Variants in PSMD3 observed in about 807,000 individuals in gnomAD.
PSMD3 encodes the protein proteasome 26S subunit, non-ATPase 3, also known as 26S proteasome non-ATPase regulatory subunit 3.
Under a neutral mutation model 62.8 loss-of-function variants are expected in PSMD3, and 5 were observed. The ratio of observed to expected loss-of-function variants is 0.08; its 90% CI spans 0.04 to 0.17. The LOEUF (loss-of-function observed/expected upper bound fraction) is 0.17. PSMD3 is among the 10% of genes least tolerant of loss of function. PSMD3 has a pLI of 1.00. For missense variants in PSMD3, 524 were observed against 713.6 expected, an observed-to-expected ratio of 0.73 and a Z score of 3.03; for synonymous variants, 265 against 283.9, an observed-to-expected ratio of 0.93 and a Z score of 0.67.
rs1200174454 is a variant in PSMD3, at chr17:39,981,069, G to A, written c.99G>A (p.Gln33=). 2 of 1,550,418 alleles carry A rather than the reference G, an allele frequency of 1.3e-6. No homozygotes were observed. The highest frequency in any genetic ancestry group is 2.0e-5 in the Admixed American group (1 of 50,966). The change falls in exon 1 of 12, where the codon CAG becomes CAA. Residue 33 remains glutamine, a synonymous_variant. Coordinates refer to ENST00000264639, the MANE Select transcript of PSMD3 (RefSeq NM_002809.4). ...AACCCCCACCGCCGCCGGCCCCCCAGGATGTGGAGATGAAAGAGGAGGCAG... is the reference window on the plus strand; with the variant it reads ...AACCCCCACCGCCGCCGGCCCCCCAAGATGTGGAGATGAAAGAGGAGGCAG... ...EQEPPPPPAP[Q]DVEMKEEAAT...
intron 4 of PSMD3, 63 bp from the exon 5 acceptor site, chr17:39,989,676 A>G: frequency 7.0e-7 from 1 of 1,438,624 alleles, no homozygotes; most frequent in Non-Finnish European, 9.5e-7. Context: ...AAGAGCGAAG[A>G]GTTAAAGGCA....
At chr17:39,986,501 T>C in intron 2 of PSMD3, 74 bp from the exon 3 acceptor site, 4 of 1,545,720 alleles carry the variant, frequency 2.6e-6, no homozygotes, top group Non-Finnish European at 3.6e-6. Flanking sequence ...TTGAAATACA[T>C]AGTGGATGCT....
intron 3 of PSMD3, among the ~76,000 whole-genome samples, chr17:39,987,975 T>C (rs12453782): frequency 0.92 from 139,624 of 152,104 alleles, 64,165 homozygotes; most frequent in Middle Eastern, 0.96. Context: ...GGCGTGGTGG[T>C]GTGTGCCTGT....
chr17:39,990,006 A>G (rs1980617095), intron 5 of PSMD3, 77 bp downstream of exon 5: 1 of 1,570,842 alleles, frequency 6.4e-7, no homozygotes, highest in Non-Finnish European at 8.7e-7. Flanking sequence ...GGGGTGGTGC[A>G]TAAGAGGCCC....
intron 2 of PSMD3, among the ~76,000 whole-genome samples, 165 bp downstream of exon 2, chr17:39,984,649 C>G (rs1170804698): frequency 6.6e-6 from 1 of 152,190 alleles, no homozygotes; most frequent in African/African-American, 2.4e-5. Context: ...AGGGAACCGT[C>G]CACTGCCCTG....
At chr17:39,982,121 CAA>C (rs932506359) in intron 1 of PSMD3, among the ~76,000 whole-genome samples, 5 of 152,168 alleles carry the variant, frequency 3.3e-5, no homozygotes, top group Admixed American at 2.0e-4. Flanking sequence ...TTGAGATAAG[CAA>C]AGTTATCCTC....
At position 39,995,591 on chromosome 17, in the gene PSMD3, G is replaced by A; in HGVS notation, c.1320+64G>A. On this transcript the variant is annotated intron_variant, in intron 9 of 11. Coordinates refer to ENST00000264639, the MANE Select transcript of PSMD3 (RefSeq NM_002809.4). The surrounding 1 kb of genome is among the most constrained non-coding windows in gnomAD (Gnocchi z 4.1). The stretch of plus-strand genomic sequence containing the variant: ...CTTTCCTGCCAATCTCAGGAGGCAG[G>A]AGTGGGAGGAGTTTGGCCAAGGAGG... The A allele has an allele frequency of 2.0e-6, 3 of 1,497,128 alleles. No individual in the cohort carries two copies. The highest frequency in any genetic ancestry group is 2.8e-6 in the Non-Finnish European group (3 of 1,075,802). 92.7% of individuals were successfully genotyped at this position (1,497,128 alleles called of 1,614,324 possible). A position where few individuals can be genotyped will look rare whatever the true frequency, so the allele number is the denominator to read the frequency against.
Position 39,980,864 on chromosome 17 carries a change from C to T in PSMD3, c.-107C>T, listed in dbSNP as rs1017439065. The T allele has an allele frequency of 6.9e-5, 70 of 1,016,652 alleles. No homozygotes were observed. In the African/African-American group the frequency reaches 1.1e-3, roughly 16 times the overall value. 63.0% of individuals were successfully genotyped at this position (1,016,652 alleles called of 1,614,324 possible). On this transcript the variant is annotated 5_prime_UTR_variant, in exon 1 of 12. Transcript: ENST00000264639. ...TGCTCCGTCATCGTGCGGCCCGACG[C>T]TATCTCGCGCTCGTGTGCAGGCCCG...
At position 39,981,172 on chromosome 17, in the gene PSMD3, G is replaced by A. The variant is rs747658814; in HGVS notation, c.202G>A (p.Asp68Asn). 1.9e-6 allele frequency: 3 copies of A among 1,550,882 alleles called. No individual in the cohort carries two copies. In the Admixed American group the frequency reaches 5.9e-5, roughly 30 times the overall value. Residue 68 changes from aspartate to asparagine, a missense_variant, in exon 1 of 12, where the codon GAC becomes AAC. Transcript: ENST00000264639. ...AAAEHSQRELDTVTLEDIKEH... is the reference protein window; with the variant it reads ...AAAEHSQRELNTVTLEDIKEH... ...GGCTGAGCACTCCCAGCGAGAGCTG[G>A]ACACAGTCACCTTGGAGGGTACGGC...
chr17:39,985,661 C>A (rs1470298217), intron 2 of PSMD3, among the ~76,000 whole-genome samples: 1 of 152,174 alleles, frequency 6.6e-6, no homozygotes, highest in African/African-American at 2.4e-5. Context: ...TGAAGAGTTT[C>A]TTGTCTGGGA....
At position 39,990,157 on chromosome 17, in the gene PSMD3, G is replaced by A; in HGVS notation, c.941G>A (p.Arg314His). 2 of 1,613,614 alleles carry A rather than the reference G, an allele frequency of 1.2e-6. No individual in the cohort carries two copies. Among genetic ancestry groups the A allele is most frequent in the East Asian group, 2.2e-5 (1 of 44,870 alleles). ...CGGAGAACGATGACCAACGCCCTTC[G>A]CAAGGCCCCTCAGCACACAGCTGTC... ...EARRTMTNAL[R>H]KAPQHTAVGF... Residue 314 changes from arginine to histidine, a missense_variant, in exon 6 of 12, where the codon CGC becomes CAC. Arg to His is a conservative substitution (Grantham distance 29). Coordinates refer to ENST00000264639, the MANE Select transcript of PSMD3 (RefSeq NM_002809.4).
At chr17:39,986,752 T>G (rs931743678) in intron 3 of PSMD3, 40 bp downstream of exon 3, 3 of 1,608,542 alleles carry the variant, frequency 1.9e-6, no homozygotes, top group Non-Finnish European at 2.6e-6. Flanking sequence ...AAGCCCCAAG[T>G]GATGCAAGGG....
In PSMD3 at chr17:39,990,089, C is replaced by T. The variant is rs1311474796; in HGVS notation, c.878-5C>T. 18 of 1,613,702 alleles carry T rather than the reference C, an allele frequency of 1.1e-5. No homozygotes were observed. Among genetic ancestry groups the T allele is most frequent in the African/African-American group, 2.7e-5 (2 of 74,886 alleles). On this transcript the variant is annotated splice_region_variant and splice_polypyrimidine_tract_variant and intron_variant, in intron 5 of 11. Transcript: ENST00000264639. ...TTGACCAACTCTCCTCTCCTCCACT[C>T]CCAGGGCGAATCAAAGCCATCCAGC...
intron 10 of PSMD3, among the ~76,000 whole-genome samples, chr17:39,997,004 AG>A (rs562050854): frequency 1.8e-4 from 28 of 152,186 alleles, no homozygotes; most frequent in African/African-American, 6.5e-4. Context: ...CCCAGCAGCC[AG>A]CCCACTGGGT....
chr17:39,984,179 G>A (rs1032254241), intron 1 of PSMD3, 115 bp from the exon 2 acceptor site: 22 of 929,770 alleles, frequency 2.4e-5, no homozygotes, highest in Admixed American at 2.2e-4. Flanking sequence ...CGGCCTGGGC[G>A]ACAGAGTGAG....
chr17:39,996,596 G>A lies in PSMD3; in HGVS notation c.1476+258G>A, dbSNP rs764627531. The A allele has an allele frequency of 2.7e-4, 175 of 651,964 alleles. No individual in the cohort carries two copies. The highest frequency in any genetic ancestry group is 3.6e-4 in the Non-Finnish European group (128 of 355,238). 40.4% of individuals were successfully genotyped at this position (651,964 alleles called of 1,614,324 possible). ...GACCAGGCAGGGATTCAGAGGGCGG[G>A]GTTCTACATTTGGTTCCAAATTTGA... On this transcript the variant is annotated intron_variant, in intron 10 of 11. Coordinates refer to ENST00000264639, the MANE Select transcript of PSMD3 (RefSeq NM_002809.4). This position sits in a 1 kb window ranked among gnomAD's most constrained non-coding sequence, Gnocchi z 5.1.
intron 3 of PSMD3, among the ~76,000 whole-genome samples, chr17:39,987,486 A>G (rs1042894850): frequency 2.6e-5 from 4 of 152,162 alleles, no homozygotes; most frequent in African/African-American, 9.7e-5. Flanking sequence ...AGCTGGGACT[A>G]CAGGCATGTG....
rs1422142572 is a variant in PSMD3 at position 39,997,736 on chromosome 17, C to T, written c.*155C>T. ...TGCTGGGAGCCAGCCACCCTGACCTCCCCCAGGGCTCCTCCCCAGCCGGTG... is the reference window on the plus strand; with the variant it reads ...TGCTGGGAGCCAGCCACCCTGACCTTCCCCAGGGCTCCTCCCCAGCCGGTG... On this transcript the variant is annotated 3_prime_UTR_variant, in exon 12 of 12. Coordinates refer to ENST00000264639, the MANE Select transcript of PSMD3 (RefSeq NM_002809.4). The T allele has an allele frequency of 3.5e-6, 3 of 845,880 alleles. No individual in the cohort carries two copies. The highest frequency in any genetic ancestry group is 3.4e-5 in the African/African-American group (2 of 59,300). 52.4% of individuals were successfully genotyped at this position (845,880 alleles called of 1,614,324 possible). A position where few individuals can be genotyped will look rare whatever the true frequency, so the allele number is the denominator to read the frequency against.
intron 1 of PSMD3, among the ~76,000 whole-genome samples, chr17:39,984,080 G>A (rs1389238925): frequency 1.3e-5 from 2 of 151,832 alleles, no homozygotes; most frequent in Non-Finnish European, 2.9e-5. Context: ...GGTGCCTGTA[G>A]TCCCAGCTAC....
Sources: gnomAD v4.1 joint callset for allele counts (sites outside exome capture counted in the v4.1 genomes callset) on GRCh38, gnomAD v4.1.1 for gene constraint, Gnocchi (gnomAD v3.1) non-coding constraint, MANE v1.5 for transcripts, NCBI Gene and HGNC (gene_info 2026-07-23, HGNC 2026-07-21) for gene names.